The following MAGI1 variants were observed in gnomAD, a reference collection of about 807,000 sequenced individuals.
MAGI1 encodes membrane associated guanylate kinase, WW and PDZ domain containing 1.
MAGI1 carries 58 observed loss-of-function variants against 139.9 expected under a neutral mutation model. The ratio of observed to expected loss-of-function variants is 0.41; its 90% CI spans 0.34 to 0.52. The LOEUF (loss-of-function observed/expected upper bound fraction) is 0.52. Among genes scored for constraint, MAGI1 ranks in the 20% least tolerant of loss-of-function variants. The pLI is 0.12. For missense variants in MAGI1, 1,874 were observed against 1,901.6 expected (o/e 0.99, Z 0.27); for synonymous variants, 812 against 737.9 (o/e 1.10, Z -1.63).
intron 1 of MAGI1, among the ~76,000 whole-genome samples, chr3:65,701,175 C>CCA (rs2089581447): frequency 7.1e-6 from 1 of 140,940 alleles, no homozygotes; most frequent in African/African-American, 2.4e-5. Context: ...TCATGTATCC[C>CCA]CAGTTTACTA....
chr3:65,749,937 T>C (rs2036009569), intron 1 of MAGI1, among the ~76,000 whole-genome samples: 1 of 152,058 alleles, frequency 6.6e-6, no homozygotes, highest in Non-Finnish European at 1.5e-5. Context: ...TACTCCATAA[T>C]GCAGGGGGAA....
chr3:65,807,284 T>A lies in MAGI1; in HGVS notation c.314-185196A>T, dbSNP rs895218528. Among the ~76,000 whole-genome samples, 3 of 152,210 alleles carry A rather than the reference T, an allele frequency of 2.0e-5. No individual in the cohort carries two copies. The South Asian group carries it at 6.2e-4, about 32-fold the overall frequency. On this transcript the variant is annotated intron_variant, in intron 1 of 22. Coordinates refer to ENST00000402939, the MANE Select transcript of MAGI1 (RefSeq NM_001033057.2). ...TCAACATTCCAGCAGATGTGGTGTC[T>A]GGCAAGGACTTCATCTCTGCTTTCA...
At chr3:65,958,235 T>C (rs1318992181) in intron 1 of MAGI1, among the ~76,000 whole-genome samples, 1 of 152,204 alleles carries the variant, frequency 6.6e-6, no homozygotes, top group Non-Finnish European at 1.5e-5. Flanking sequence ...TTTTGAGACT[T>C]ACACAGGAAA....
chr3:65,858,132 T>C (rs1281149445), intron 1 of MAGI1, among the ~76,000 whole-genome samples: 1 of 138,630 alleles, frequency 7.2e-6, no homozygotes, highest in African/African-American at 2.6e-5. Flanking sequence ...CAAACAAAAA[T>C]AATATTAATT....
At chr3:65,982,573 T>G (rs2065642766) in intron 1 of MAGI1, among the ~76,000 whole-genome samples, 1 of 152,218 alleles carries the variant, frequency 6.6e-6, no homozygotes, top group Non-Finnish European at 1.5e-5. Context: ...ATGCTTTTAA[T>G]GCCTACATAA....
intron 2 of MAGI1, chr3:65,597,919 CG>C (rs762751505): frequency 3.6e-5 from 6 of 165,146 alleles, no homozygotes; most frequent in South Asian, 2.0e-4. Flanking sequence ...TAAAGAGAGG[CG>C]GGGGTGGGGG....
At chr3:65,931,078 G>T (rs1252170335) in intron 1 of MAGI1, among the ~76,000 whole-genome samples, 1 of 143,240 alleles carries the variant, frequency 7.0e-6, no homozygotes, top group African/African-American at 2.4e-5. Flanking sequence ...TGTGTCCCAG[G>T]GTAGAGTGCA....
chr3:65,950,078 C>CAAAAAAAAAAAA (rs751496271), intron 1 of MAGI1, among the ~76,000 whole-genome samples: 5 of 40,332 alleles, frequency 1.2e-4, no homozygotes, highest in Admixed American at 3.1e-4. Flanking sequence ...AAAAAAAAAA[C>CAAAAAAAAAAAA]AAAAAAAAAA....
At chr3:65,428,972 A>C (rs1947272962) in intron 12 of MAGI1, among the ~76,000 whole-genome samples, 1 of 152,260 alleles carries the variant, frequency 6.6e-6, no homozygotes, top group Admixed American at 6.5e-5. Context: ...TTGAAGCATT[A>C]AAGGAGCTCC....
chr3:65,901,305 G>C (rs1038826419), intron 1 of MAGI1, among the ~76,000 whole-genome samples: 15 of 152,218 alleles, frequency 9.9e-5, no homozygotes, highest in African/African-American at 3.6e-4. Flanking sequence ...CCAGACCAGA[G>C]ACTGGGAGCT....
chr3:65,979,156 C>T (rs1311000723), intron 1 of MAGI1, among the ~76,000 whole-genome samples: 3 of 118,740 alleles, frequency 2.5e-5, no homozygotes. Context: ...AAAATAAGGA[C>T]TGAATATTAA....
intron 2 of MAGI1, among the ~76,000 whole-genome samples, chr3:65,561,818 C>T (rs748139249): frequency 6.6e-6 from 1 of 152,210 alleles, no homozygotes; most frequent in African/African-American, 2.4e-5. Flanking sequence ...GGCAGAAATA[C>T]GCAACTCAAC....
At chr3:65,875,706 A>T (rs545045132) in intron 1 of MAGI1, among the ~76,000 whole-genome samples, 2 of 152,312 alleles carry the variant, frequency 1.3e-5, no homozygotes, top group South Asian at 4.1e-4. Flanking sequence ...TCATTCTTAA[A>T]GATGCATTAC....
chr3:65,628,531 G>A (rs893151147), intron 1 of MAGI1, among the ~76,000 whole-genome samples: 10 of 151,560 alleles, frequency 6.6e-5, no homozygotes, highest in African/African-American at 9.7e-5. Context: ...CCCAGGGCCC[G>A]GGAGTTGGTC....
At chr3:65,782,919 A>AG (rs1451639835) in intron 1 of MAGI1, among the ~76,000 whole-genome samples, 122 of 151,864 alleles carry the variant, frequency 8.0e-4, no homozygotes, top group Admixed American at 7.9e-3. Flanking sequence ...AAAAAAAAAA[A>AG]AGAGAAAAAT....
At chr3:65,786,482 A>AT (rs934338056) in intron 1 of MAGI1, among the ~76,000 whole-genome samples, 1 of 151,104 alleles carries the variant, frequency 6.6e-6, no homozygotes, top group South Asian at 2.1e-4. Flanking sequence ...AACTTACTGT[A>AT]TTTTTTGTAG....
intron 2 of MAGI1, among the ~76,000 whole-genome samples, chr3:65,517,791 C>T (rs1441293500): frequency 1.3e-5 from 2 of 152,114 alleles, no homozygotes; most frequent in Non-Finnish European, 2.9e-5. Context: ...GATCCTCCCA[C>T]CCAACCATGC....
At position 65,512,794 on chromosome 3, in the gene MAGI1, T is replaced by G. The variant is rs1265792357; in HGVS notation, c.431-19163A>C. ...CAATAGAAAAAGAGGGAATCCTCCCTAACTCATTTTATGAGGCCAGCATCA... is the reference window on the plus strand; with the variant it reads ...CAATAGAAAAAGAGGGAATCCTCCCGAACTCATTTTATGAGGCCAGCATCA... On this transcript the variant is annotated intron_variant, in intron 2 of 22. Transcript: ENST00000402939. 3.3e-5 allele frequency among the ~76,000 whole-genome samples: 5 copies of G among 150,094 alleles called. No individual in the cohort carries two copies. In the East Asian group the frequency reaches 8.0e-4, roughly 24 times the overall value.
rs535423148 is a variant in MAGI1, at chr3:65,493,877, T to A, written c.431-246A>T. On this transcript the variant is annotated intron_variant, in intron 2 of 22. Transcript: ENST00000402939. Reference sequence around the variant, plus strand: ...AGAGAGAAAACCAAGCACCGCTGGGTAACCTAGAGAGAGTTTTATACCATT... The same window carrying A: ...AGAGAGAAAACCAAGCACCGCTGGGAAACCTAGAGAGAGTTTTATACCATT... Among the ~76,000 whole-genome samples, 6 of 152,294 alleles carry A rather than the reference T, an allele frequency of 3.9e-5. No individual in the cohort carries two copies. In the East Asian group the frequency reaches 1.2e-3, roughly 29 times the overall value.
Sources: allele counts gnomAD v4.1 joint callset (sites outside exome capture counted in the v4.1 genomes callset), GRCh38; gene constraint gnomAD v4.1.1; transcripts MANE v1.5; gene names NCBI Gene and HGNC (gene_info 2026-07-23, HGNC 2026-07-21).